Variants in CDK1 observed in about 807,000 individuals in gnomAD.
CDK1 encodes cyclin dependent kinase 1.
CDK1 carries 5 observed loss-of-function variants against 34.6 expected under a neutral mutation model. The observed-to-expected ratio is 0.14, with a 90% CI of 0.08 to 0.30. The LOEUF (loss-of-function observed/expected upper bound fraction) is 0.30, where lower values mean the gene tolerates loss of function less well. Among genes scored for constraint, CDK1 ranks in the 10% least tolerant of loss-of-function variants. The pLI is 1.00. For missense variants in CDK1, 157 were observed against 345.7 expected (o/e 0.45, Z 4.33); for synonymous variants, 108 against 114.7 (o/e 0.94, Z 0.37).
At chr10:60,785,459 C>T (rs2080307497) in intron 3 of CDK1, among the ~76,000 whole-genome samples, 1 of 152,116 alleles carries the variant, frequency 6.6e-6, no homozygotes, top group South Asian at 2.1e-4. Flanking sequence ...TATAAATAAG[C>T]ACCTCCTGTA....
At chr10:60,789,793 A>C (rs2080344022) in intron 5 of CDK1, among the ~76,000 whole-genome samples, 1 of 152,206 alleles carries the variant, frequency 6.6e-6, no homozygotes, top group Non-Finnish European at 1.5e-5. Context: ...ATTATATGGT[A>C]GTTCTAGTTT....
intron 2 of CDK1, chr10:60,783,526 T>A (rs1303721238): frequency 6.6e-6 from 1 of 152,166 alleles, no homozygotes; most frequent in Admixed American, 6.5e-5. Flanking sequence ...AGAGGCCTTC[T>A]TCCTAGAACA....
At chr10:60,787,127 A>G (rs1048432860) in intron 4 of CDK1, 5 of 938,518 alleles carry the variant, frequency 5.3e-6, no homozygotes, top group Non-Finnish European at 5.1e-6. Flanking sequence ...GGTTTTACTT[A>G]CAATTTTTCA....
rs1397780496 is a variant in CDK1, at chr10:60,788,165, A to G, written c.424A>G (p.Ile142Val). The change falls in exon 5 of 8, where the codon ATT becomes GTT. Residue 142 changes from isoleucine (I) to valine (V), a missense_variant. By Grantham distance (29) the Ile-to-Val change is conservative. This residue lies in a region of CDK1 where 102 missense variants were observed against 233.6 expected (regional missense o/e 0.44). Transcript: ENST00000395284. ...QNLLIDDKGT[I>V]KLADFGLARA... ...TCTCTTGATTGATGACAAAGGAACA[A>G]TTAAACTGGCTGATTTTGGCCTTGC... 15 of 1,611,684 alleles carry G rather than the reference A, an allele frequency of 9.3e-6. No individual in the cohort carries two copies. Among genetic ancestry groups the G allele is most frequent in the Non-Finnish European group, 1.1e-5 (13 of 1,178,546 alleles).
At chr10:60,786,388 CT>C in intron 4 of CDK1, 2 of 796,366 alleles carry the variant, frequency 2.5e-6, no homozygotes, top group Non-Finnish European at 3.0e-6. Flanking sequence ...CATATTTTCC[CT>C]TTTTTGTGTA....
chr10:60,780,911 A>G (rs1005297203), intron 2 of CDK1, among the ~76,000 whole-genome samples: 1 of 152,144 alleles, frequency 6.6e-6, no homozygotes, highest in African/African-American at 2.4e-5. Flanking sequence ...AAAATTCCCA[A>G]CTATATTTTT....
intron 4 of CDK1, chr10:60,786,276 T>G: frequency 1.0e-6 from 1 of 980,548 alleles, no homozygotes; most frequent in Non-Finnish European, 1.2e-6. Flanking sequence ...GTAGCGCTGT[T>G]AGTTTTATTT....
chr10:60,778,912 C>T (rs1004589564), intron 1 of CDK1, among the ~76,000 whole-genome samples: 3 of 152,158 alleles, frequency 2.0e-5, no homozygotes, highest in Admixed American at 6.5e-5. Flanking sequence ...CGCTCCCCCA[C>T]GCTGAGCGCC....
At chr10:60,793,824 G>A (rs547518746) in intron 7 of CDK1, 53 bp from the exon 8 acceptor site, 10 of 1,004,428 alleles carry the variant, frequency 1.0e-5, no homozygotes, top group African/African-American at 3.4e-5. Context: ...GGAGATTTTT[G>A]TAAAAAATGG....
At chr10:60,779,940 A>G (rs1264031474) in intron 1 of CDK1, among the ~76,000 whole-genome samples, 1 of 152,206 alleles carries the variant, frequency 6.6e-6, no homozygotes, top group African/African-American at 2.4e-5. Flanking sequence ...CACGTTTCCA[A>G]TGTCTCAGGA....
intron 3 of CDK1, 64 bp from the exon 4 acceptor site, chr10:60,785,600 A>G: frequency 1.0e-6 from 1 of 993,934 alleles, no homozygotes; most frequent in Non-Finnish European, 1.5e-6. Context: ...AAGGAGTTTT[A>G]TTTTGTGAAA....
intron 5 of CDK1, among the ~76,000 whole-genome samples, chr10:60,790,717 G>C (rs1322967957): frequency 6.6e-6 from 1 of 152,124 alleles, no homozygotes; most frequent in Non-Finnish European, 1.5e-5. Flanking sequence ...GTTAGATATA[G>C]GGGTTTAGTT....
intron 5 of CDK1, among the ~76,000 whole-genome samples, chr10:60,789,031 A>G (rs2080337407): frequency 6.6e-6 from 1 of 152,174 alleles, no homozygotes; most frequent in South Asian, 2.1e-4. Flanking sequence ...TGATAAATAT[A>G]CTAAAATGGT....
intron 5 of CDK1, among the ~76,000 whole-genome samples, chr10:60,788,541 T>A (rs2080334121): frequency 6.6e-6 from 1 of 152,116 alleles, no homozygotes. Flanking sequence ...TTTACATCAT[T>A]CCCATCCTTT....
chr10:60,783,160 G>A (rs549094713), intron 2 of CDK1, among the ~76,000 whole-genome samples: 1 of 152,246 alleles, frequency 6.6e-6, no homozygotes, highest in South Asian at 2.1e-4. Flanking sequence ...CCAAAAAAAT[G>A]TAGATTTTAA....
intron 4 of CDK1, chr10:60,787,048 A>G (rs1274532328): frequency 1.0e-6 from 1 of 984,654 alleles, no homozygotes. Context: ...ACTGGGATAC[A>G]GATTCTGCTT....
intron 2 of CDK1, among the ~76,000 whole-genome samples, chr10:60,784,065 C>A (rs1230277731): frequency 6.6e-6 from 1 of 152,140 alleles, no homozygotes; most frequent in Non-Finnish European, 1.5e-5. Context: ...ATATTTTATG[C>A]CCACTTCGTT....
chr10:60,780,777 A>G (rs1406861828), intron 2 of CDK1, among the ~76,000 whole-genome samples: 1 of 152,140 alleles, frequency 6.6e-6, no homozygotes, highest in South Asian at 2.1e-4. Context: ...GTTTAGATCT[A>G]TATATGGCAC....
intron 2 of CDK1, among the ~76,000 whole-genome samples, chr10:60,782,792 G>A (rs2080283501): frequency 6.6e-6 from 1 of 152,010 alleles, no homozygotes; most frequent in Non-Finnish European, 1.5e-5. Context: ...CATTTTGGAG[G>A]ATATGCCATG....
Sources: gnomAD v4.1 joint callset for allele counts (sites outside exome capture counted in the v4.1 genomes callset) on GRCh38, gnomAD v4.1.1 for gene constraint, gnomAD v4.1.1 regional missense constraint, MANE v1.5 for transcripts, NCBI Gene and HGNC (gene_info 2026-07-23, HGNC 2026-07-21) for gene names.